Variants in MACROD2 observed in about 807,000 individuals in gnomAD.
MACROD2 encodes mono-ADP ribosylhydrolase 2, also known as ADP-ribose glycohydrolase MACROD2.
In MACROD2, 36 loss-of-function variants were observed where a neutral mutation model predicts 70.4. That is an observed-to-expected ratio of 0.51 (90% confidence interval 0.39 to 0.68). MACROD2 has a LOEUF of 0.68. MACROD2 is among the 30% of genes least tolerant of loss of function. The probability of loss-of-function intolerance (pLI) is 0.00; values close to 1 mark genes in which losing one functional copy is unlikely to be tolerated. For missense variants in MACROD2, 496 were observed against 538.4 expected (o/e 0.92, Z 0.78); for synonymous variants, 172 against 178.8 (o/e 0.96, Z 0.30).
intron 6 of MACROD2, among the ~76,000 whole-genome samples, chr20:15,309,868 A>G (rs757358448): frequency 3.9e-5 from 6 of 152,204 alleles, no homozygotes; most frequent in Non-Finnish European, 8.8e-5. Flanking sequence ...GCGAATAAAG[A>G]TTTTAAGTAT....
At chr20:14,076,126 A>G (rs926378651) in intron 2 of MACROD2, among the ~76,000 whole-genome samples, 8 of 152,202 alleles carry the variant, frequency 5.3e-5, no homozygotes, top group African/African-American at 1.4e-4. Context: ...AAGTTTTAGA[A>G]TAAAAGCTGT....
intron 8 of MACROD2, among the ~76,000 whole-genome samples, chr20:15,746,255 TGATA>T (rs1415819100): frequency 7.9e-5 from 12 of 152,012 alleles, no homozygotes; most frequent in African/African-American, 2.4e-4. Context: ...TATTTCCAGG[TGATA>T]GATTATTTTT....
intron 8 of MACROD2, among the ~76,000 whole-genome samples, chr20:15,543,435 G>A (rs555024950): frequency 8.5e-5 from 13 of 152,282 alleles, no homozygotes; most frequent in Admixed American, 2.6e-4. Flanking sequence ...ACACACAGGT[G>A]ATCAAGGTTT....
At chr20:15,970,729 A>T (rs2066217267) in intron 13 of MACROD2, among the ~76,000 whole-genome samples, 1 of 152,116 alleles carries the variant, frequency 6.6e-6, no homozygotes, top group Admixed American at 6.6e-5. Context: ...TACAGAAGGA[A>T]CTCCTCAGTC....
chr20:15,332,036 AGGT>A (rs1179381867), intron 6 of MACROD2, among the ~76,000 whole-genome samples: 2 of 151,644 alleles, frequency 1.3e-5, no homozygotes, highest in Non-Finnish European at 2.9e-5. Context: ...TATAGTTAAT[AGGT>A]GAAAGCAAAG....
intron 3 of MACROD2, among the ~76,000 whole-genome samples, chr20:14,278,780 A>C (rs6079378): frequency 0.37 from 55,727 of 152,018 alleles, 12,257 homozygotes; most frequent in Non-Finnish European, 0.49. Context: ...TTTGGAGTAC[A>C]TGAGTTCTGC....
intron 4 of MACROD2, among the ~76,000 whole-genome samples, chr20:14,668,840 C>CT (rs570312957): frequency 4.6e-5 from 7 of 151,508 alleles, no homozygotes; most frequent in Admixed American, 6.6e-5. Flanking sequence ...TACACAAACA[C>CT]TTTTTTTTAA....
At chr20:14,718,959 TGTGGTGGCTCAC>T (rs1311722096) in intron 5 of MACROD2, among the ~76,000 whole-genome samples, 1 of 152,142 alleles carries the variant, frequency 6.6e-6, no homozygotes, top group Non-Finnish European at 1.5e-5. Context: ...GTCAGCCGGG[TGTGGTGGCTCAC>T]GTCTGTAATC....
chr20:14,957,853 A>T (rs1266713244), intron 5 of MACROD2, among the ~76,000 whole-genome samples: 1 of 151,588 alleles, frequency 6.6e-6, no homozygotes, highest in Non-Finnish European at 1.5e-5. Flanking sequence ...GTGTAATTTT[A>T]TTGTACTATG....
At chr20:15,378,674 C>T (rs2045599484) in intron 6 of MACROD2, among the ~76,000 whole-genome samples, 1 of 151,768 alleles carries the variant, frequency 6.6e-6, no homozygotes, top group Non-Finnish European at 1.5e-5. Flanking sequence ...GCTTATTTAC[C>T]ACCAAGATTA....
At chr20:14,916,279 C>T (rs1281242323) in intron 5 of MACROD2, among the ~76,000 whole-genome samples, 1 of 152,146 alleles carries the variant, frequency 6.6e-6, no homozygotes, top group Non-Finnish European at 1.5e-5. Context: ...TACACTCCCT[C>T]TAGAATACAA....
At chr20:15,077,635 A>G (rs1392168473) in intron 5 of MACROD2, among the ~76,000 whole-genome samples, 1 of 152,182 alleles carries the variant, frequency 6.6e-6, no homozygotes, top group Non-Finnish European at 1.5e-5. Context: ...GAGTAGTTGT[A>G]GCACTTTTCC....
At chr20:15,153,805 T>C (rs1469513640) in intron 5 of MACROD2, among the ~76,000 whole-genome samples, 4 of 152,168 alleles carry the variant, frequency 2.6e-5, no homozygotes, top group Non-Finnish European at 5.9e-5. Flanking sequence ...ATTGGTCACA[T>C]CTTGTTTCTT....
chr20:15,480,543 C>T (rs889779851), intron 7 of MACROD2, among the ~76,000 whole-genome samples: 2 of 152,128 alleles, frequency 1.3e-5, no homozygotes, highest in Admixed American at 6.5e-5. Flanking sequence ...CCTCTGCCCC[C>T]CTTCTCCACT....
intron 6 of MACROD2, among the ~76,000 whole-genome samples, chr20:15,299,762 A>G (rs1345436885): frequency 1.3e-5 from 2 of 152,222 alleles, no homozygotes; most frequent in Admixed American, 6.5e-5. Flanking sequence ...GAAAAGCAAA[A>G]GTAGCAGGAC....
At chr20:15,313,956 G>A (rs79237270) in intron 6 of MACROD2, among the ~76,000 whole-genome samples, 4 of 152,076 alleles carry the variant, frequency 2.6e-5, no homozygotes, top group African/African-American at 9.7e-5. Flanking sequence ...CACTTATTTT[G>A]TGGGTCTAAT....
intron 3 of MACROD2, among the ~76,000 whole-genome samples, chr20:14,291,853 T>C (rs1159936490): frequency 1.3e-5 from 2 of 151,892 alleles, no homozygotes; most frequent in Non-Finnish European, 2.9e-5. Flanking sequence ...CTATTACGTA[T>C]CTTAGGTTGG....
At chr20:14,025,611 C>T (rs1748257343) in intron 2 of MACROD2, among the ~76,000 whole-genome samples, 1 of 152,158 alleles carries the variant, frequency 6.6e-6, no homozygotes, top group South Asian at 2.1e-4. Context: ...ACCCAGTAGT[C>T]ATTCAGGAGC....
At chr20:14,229,279 A>G (rs1396960023) in intron 3 of MACROD2, among the ~76,000 whole-genome samples, 2 of 152,226 alleles carry the variant, frequency 1.3e-5, no homozygotes, top group Admixed American at 6.5e-5. Flanking sequence ...TAAGAGAACG[A>G]AAAGACAAGC....
Sources: gnomAD v4.1 joint callset for allele counts (sites outside exome capture counted in the v4.1 genomes callset) on GRCh38, gnomAD v4.1.1 for gene constraint, MANE v1.5 for transcripts, NCBI Gene and HGNC (gene_info 2026-07-23, HGNC 2026-07-21) for gene names.